Variants in DCDC2 observed in about 807,000 individuals in gnomAD.
The protein encoded by DCDC2 is doublecortin domain containing 2.
DCDC2 carries 40 observed loss-of-function variants against 50.2 expected under a neutral mutation model. The ratio of observed to expected loss-of-function variants is 0.80; its 90% CI spans 0.62 to 1.04. The LOEUF (loss-of-function observed/expected upper bound fraction) is 1.04, where lower values mean the gene tolerates loss of function less well. Among genes scored for constraint, DCDC2 ranks in the 50% least tolerant of loss-of-function variants. The pLI is 0.00. For synonymous variants in DCDC2, 234 were observed against 210.6 expected (o/e 1.11, Z -0.96); for missense variants, 570 against 581.9 (o/e 0.98, Z 0.21).
At chr6:24,270,759 C>T (rs1220340442) in intron 7 of DCDC2, among the ~76,000 whole-genome samples, 1 of 152,190 alleles carries the variant, frequency 6.6e-6, no homozygotes, top group Non-Finnish European at 1.5e-5. Context: ...TCAGACACCT[C>T]CCTAACCAAG....
rs567516870 is a variant in DCDC2, at chr6:24,333,179, G to A, written c.348+20390C>T. On this transcript the variant is annotated intron_variant, in intron 2 of 9. Coordinates refer to ENST00000378454, the MANE Select transcript of DCDC2 (RefSeq NM_016356.5). ...TAAGAGGTAGCACAGGTATGCTGTG[G>A]ACAGAAGAAAGGCCAGAAGTCATGC... Among the ~76,000 whole-genome samples, 83 of 152,288 alleles carry A rather than the reference G, an allele frequency of 5.5e-4. No homozygotes were observed. In the South Asian group the frequency reaches 0.015, roughly 28 times the overall value.
At chr6:24,233,537 C>T (rs945890970) in intron 7 of DCDC2, among the ~76,000 whole-genome samples, 5 of 152,084 alleles carry the variant, frequency 3.3e-5, no homozygotes, top group African/African-American at 1.2e-4. Flanking sequence ...TCAATAAATC[C>T]ATGTTATTTT....
At chr6:24,353,295 T>C (rs555784846) in intron 2 of DCDC2, 15 of 509,552 alleles carry the variant, frequency 2.9e-5, no homozygotes, top group African/African-American at 2.9e-4. Context: ...AACCTTCCCA[T>C]GGATTTCAAT....
chr6:24,358,453 C>G (rs977981106), upstream of DCDC2, among the ~76,000 whole-genome samples: 8 of 146,410 alleles, frequency 5.5e-5, no homozygotes, highest in Non-Finnish European at 1.2e-4. Flanking sequence ...GTCTCTATAA[C>G]GCGCCTGTGA....
chr6:24,256,812 A>G (rs1205964535), intron 7 of DCDC2, among the ~76,000 whole-genome samples: 1 of 152,204 alleles, frequency 6.6e-6, no homozygotes, highest in African/African-American at 2.4e-5. Flanking sequence ...GAATAATTTT[A>G]CATTATAAAT....
At chr6:24,215,650 T>C (rs1476334168) in intron 7 of DCDC2, among the ~76,000 whole-genome samples, 1 of 152,096 alleles carries the variant, frequency 6.6e-6, no homozygotes, top group Non-Finnish European at 1.5e-5. Flanking sequence ...ATATTAAAAT[T>C]GGAGATCAGT....
At chr6:24,334,667 G>A (rs1454930710) in intron 2 of DCDC2, among the ~76,000 whole-genome samples, 5 of 152,212 alleles carry the variant, frequency 3.3e-5, no homozygotes, top group East Asian at 1.9e-4. Flanking sequence ...GCTTTGGCAT[G>A]AGCACCCCAC....
At chr6:24,289,582 CAGGT>C (rs943272562) in intron 5 of DCDC2, among the ~76,000 whole-genome samples, 1 of 152,190 alleles carries the variant, frequency 6.6e-6, no homozygotes, top group Admixed American at 6.5e-5. Flanking sequence ...TTGATCACAG[CAGGT>C]TAACCTAGGG....
intron 7 of DCDC2, among the ~76,000 whole-genome samples, chr6:24,230,512 C>T (rs576792216): frequency 3.3e-5 from 5 of 152,096 alleles, no homozygotes; most frequent in East Asian, 1.9e-4. Flanking sequence ...AGTGTGGTGG[C>T]GCACACCTCT....
chr6:24,199,484 T>C (rs371927926), intron 8 of DCDC2, among the ~76,000 whole-genome samples: 21 of 151,706 alleles, frequency 1.4e-4, no homozygotes, highest in African/African-American at 5.1e-4. Flanking sequence ...AAAAAGGACA[T>C]CCACACAAAA....
intron 2 of DCDC2, among the ~76,000 whole-genome samples, chr6:24,319,572 T>C (rs554597712): frequency 6.6e-6 from 1 of 152,314 alleles, no homozygotes; most frequent in South Asian, 2.1e-4. Flanking sequence ...CCTAGACCAA[T>C]GTCCAGGAGA....
At chr6:24,271,653 A>G (rs966334802) in intron 7 of DCDC2, among the ~76,000 whole-genome samples, 1 of 152,110 alleles carries the variant, frequency 6.6e-6, no homozygotes, top group African/African-American at 2.4e-5. Context: ...GCAGGGTAAC[A>G]TGAGTTCTTG....
At chr6:24,361,454 T>C (rs1364592135), upstream of DCDC2, among the ~76,000 whole-genome samples, 5 of 151,654 alleles carry the variant, frequency 3.3e-5, no homozygotes, top group Admixed American at 2.6e-4. Context: ...AGTTAACAAA[T>C]TTCAAAAGAA....
chr6:24,330,029 C>T (rs1016570124), intron 2 of DCDC2, among the ~76,000 whole-genome samples: 1 of 152,154 alleles, frequency 6.6e-6, no homozygotes, highest in Admixed American at 6.5e-5. Context: ...CAGTGTTAGT[C>T]CCAACTAAAG....
intron 7 of DCDC2, among the ~76,000 whole-genome samples, chr6:24,222,571 T>C (rs1263088761): frequency 2.0e-5 from 3 of 152,228 alleles, no homozygotes; most frequent in Non-Finnish European, 4.4e-5. Context: ...TAACATGCAC[T>C]AATACACAGT....
chr6:24,379,974 A>T, the DCDC2 span, among the ~76,000 whole-genome samples: 1 of 142,856 alleles, frequency 7.0e-6, no homozygotes, highest in South Asian at 2.5e-4. Context: ...CTCACTCATA[A>T]GTAGGAGTTG....
intron 7 of DCDC2, among the ~76,000 whole-genome samples, chr6:24,274,119 C>A (rs1297987163): frequency 6.6e-6 from 1 of 152,196 alleles, no homozygotes; most frequent in South Asian, 2.1e-4. Context: ...AACGTACTTA[C>A]AATTATCAAT....
chr6:24,379,324 A>G, the DCDC2 span, among the ~76,000 whole-genome samples: 2 of 151,626 alleles, frequency 1.3e-5, no homozygotes, highest in Admixed American at 6.6e-5. Context: ...ATCTACAGAA[A>G]ACTTAAACAA....
intron 8 of DCDC2, among the ~76,000 whole-genome samples, chr6:24,187,070 T>C (rs1298120852): frequency 6.6e-6 from 1 of 152,122 alleles, no homozygotes; most frequent in African/African-American, 2.4e-5. Flanking sequence ...AGCAAACTAA[T>C]ATACTAATAC....
Sources: allele counts gnomAD v4.1 joint callset (sites outside exome capture counted in the v4.1 genomes callset), GRCh38; gene constraint gnomAD v4.1.1; transcripts MANE v1.5; gene names NCBI Gene and HGNC (gene_info 2026-07-23, HGNC 2026-07-21).